Variants in RAVER2 observed in about 807,000 individuals in gnomAD.
The protein encoded by RAVER2 is ribonucleoprotein, PTB binding 2.
A neutral mutation model predicts 78.1 loss-of-function variants in RAVER2; 46 were observed. That is an observed-to-expected ratio of 0.59 (90% CI 0.46 to 0.75). RAVER2 has a LOEUF of 0.75. Among genes scored for constraint, RAVER2 ranks in the 30% least tolerant of loss-of-function variants. The pLI is 0.00. For missense variants in RAVER2, 793 were observed against 837.5 expected, an observed-to-expected ratio of 0.95 and a Z score of 0.66; for synonymous variants, 311 against 313.3, an observed-to-expected ratio of 0.99 and a Z score of 0.08.
intron 1 of RAVER2, among the ~76,000 whole-genome samples, chr1:64,755,560 C>A (rs1401832955): frequency 6.6e-6 from 1 of 151,960 alleles, no homozygotes; most frequent in African/African-American, 2.4e-5. Context: ...TACCCTTAGA[C>A]AATTGCTTTT....
chr1:64,807,933 T>G (rs1653489744), intron 9 of RAVER2, among the ~76,000 whole-genome samples: 1 of 152,210 alleles, frequency 6.6e-6, no homozygotes, highest in South Asian at 2.1e-4. Flanking sequence ...GGAGTATCAA[T>G]GCTTATTCGC....
intron 1 of RAVER2, among the ~76,000 whole-genome samples, chr1:64,761,537 T>TA (rs1276890656): frequency 4.6e-5 from 7 of 152,286 alleles, no homozygotes; most frequent in Non-Finnish European, 8.8e-5. Flanking sequence ...TCGTAATACT[T>TA]ACAGCAGGCA....
At chr1:64,806,819 CAG>C (rs1653429687) in intron 8 of RAVER2, among the ~76,000 whole-genome samples, 1 of 152,116 alleles carries the variant, frequency 6.6e-6, no homozygotes, top group African/African-American at 2.4e-5. Flanking sequence ...TTATTTCCTT[CAG>C]TTATGGAAAC....
At chr1:64,756,332 T>A (rs1392671153) in intron 1 of RAVER2, among the ~76,000 whole-genome samples, 5 of 152,184 alleles carry the variant, frequency 3.3e-5, no homozygotes, top group Admixed American at 6.5e-5. Context: ...TCTTTGAGAC[T>A]GTTTAAATAT....
At chr1:64,757,387 G>A (rs2100808789) in intron 1 of RAVER2, among the ~76,000 whole-genome samples, 1 of 152,262 alleles carries the variant, frequency 6.6e-6, no homozygotes, top group African/African-American at 2.4e-5. Flanking sequence ...CATAAGGGTG[G>A]GTTCCTGATC....
intron 3 of RAVER2, among the ~76,000 whole-genome samples, chr1:64,779,040 G>A (rs1394280779): frequency 2.0e-5 from 3 of 149,672 alleles, no homozygotes; most frequent in Non-Finnish European, 4.4e-5. Context: ...TATTTATCAT[G>A]TATAACATGT....
intron 7 of RAVER2, 48 bp from the exon 8 acceptor site, chr1:64,804,943 G>A: frequency 6.4e-7 from 1 of 1,572,434 alleles, no homozygotes; most frequent in Non-Finnish European, 8.7e-7. Flanking sequence ...GCTTTTTTTA[G>A]GTTATATCTT....
chr1:64,788,854 ATTTTAT>A (rs1652859594), intron 4 of RAVER2, among the ~76,000 whole-genome samples: 1 of 151,652 alleles, frequency 6.6e-6, no homozygotes, highest in Non-Finnish European at 1.5e-5. Context: ...ACTTCGTTTT[ATTTTAT>A]TTTTATTTGA....
chr1:64,815,584 AC>A (rs1303451125), intron 11 of RAVER2: 2 of 152,180 alleles, frequency 1.3e-5, no homozygotes, highest in African/African-American at 4.8e-5. Flanking sequence ...TCTGACTCTT[AC>A]TTTCCTAGAA....
At chr1:64,759,214 A>ATTTTAT (rs974324484) in intron 1 of RAVER2, among the ~76,000 whole-genome samples, 3 of 150,656 alleles carry the variant, frequency 2.0e-5, no homozygotes, top group Non-Finnish European at 3.0e-5. Flanking sequence ...ATTTTTATTT[A>ATTTTAT]TTTTATTTTT....
chr1:64,785,351 T>C (rs1467351556), intron 4 of RAVER2, among the ~76,000 whole-genome samples: 1 of 151,792 alleles, frequency 6.6e-6, no homozygotes, highest in Admixed American at 6.6e-5. Context: ...CTGCTGGTGA[T>C]TGTGCCTGTC....
intron 2 of RAVER2, among the ~76,000 whole-genome samples, chr1:64,773,066 AT>A (rs1652363828): frequency 6.6e-6 from 1 of 152,148 alleles, no homozygotes. Flanking sequence ...GACGGGTGGA[AT>A]TTGAGGATTC....
At chr1:64,752,236 T>TGG (rs2100802119) in intron 1 of RAVER2, among the ~76,000 whole-genome samples, 1 of 152,306 alleles carries the variant, frequency 6.6e-6, no homozygotes, top group African/African-American at 2.4e-5. Context: ...GAGCCACTAG[T>TGG]GGGGGATCAG....
intron 5 of RAVER2, among the ~76,000 whole-genome samples, chr1:64,795,458 A>G (rs943671793): frequency 7.9e-5 from 12 of 152,162 alleles, no homozygotes; most frequent in Admixed American, 5.2e-4. Flanking sequence ...TATCTTTTCA[A>G]TTATTTTGAG....
chr1:64,749,266 A>T (rs973661551), intron 1 of RAVER2, among the ~76,000 whole-genome samples: 6 of 152,154 alleles, frequency 3.9e-5, no homozygotes, highest in Non-Finnish European at 8.8e-5. Flanking sequence ...GCTGCAGTGC[A>T]GTGGTGTGAC....
At chr1:64,830,805 T>C in intron 11 of RAVER2, 34 bp from the exon 12 acceptor site, 1 of 1,546,166 alleles carries the variant, frequency 6.5e-7, no homozygotes, top group Non-Finnish European at 8.8e-7. Context: ...CAACTTTAGA[T>C]TTTAAAACTA....
intron 10 of RAVER2, among the ~76,000 whole-genome samples, chr1:64,814,109 T>G (rs1464291474): frequency 4.6e-5 from 7 of 151,398 alleles, no homozygotes; most frequent in African/African-American, 1.7e-4. Context: ...GTGTGTGTGT[T>G]TGTGAGACAG....
At chr1:64,822,195 G>A (rs968508661) in intron 11 of RAVER2, among the ~76,000 whole-genome samples, 5 of 152,188 alleles carry the variant, frequency 3.3e-5, no homozygotes, top group Non-Finnish European at 7.3e-5. Context: ...GGCTGAGGCA[G>A]GAGAATGGCG....
intron 2 of RAVER2, among the ~76,000 whole-genome samples, chr1:64,771,666 C>T (rs1029220705): frequency 6.6e-5 from 10 of 152,108 alleles, no homozygotes; most frequent in South Asian, 2.1e-4. Flanking sequence ...AATGGGATTG[C>T]ACTGTTTGAA....
Sources: gnomAD v4.1 joint callset for allele counts (sites outside exome capture counted in the v4.1 genomes callset) on GRCh38, gnomAD v4.1.1 for gene constraint, MANE v1.5 for transcripts, NCBI Gene and HGNC (gene_info 2026-07-23, HGNC 2026-07-21) for gene names.